NMUR1: variants seen among roughly 807,000 people sequenced by gnomAD.
NMUR1 encodes neuromedin-U receptor 1.
Under a neutral mutation model 18.8 loss-of-function variants are expected in NMUR1, and 16 were observed. That is an observed-to-expected ratio of 0.85 (90% CI 0.58 to 1.29). The LOEUF (loss-of-function observed/expected upper bound fraction) is 1.29, where lower values mean the gene tolerates loss of function less well. Among genes scored for constraint, NMUR1 ranks in the 50% most tolerant of loss-of-function variants. The pLI, the probability that NMUR1 is intolerant of heterozygous loss-of-function variation, is 0.00. For missense variants in NMUR1, 529 were observed against 580.3 expected, an observed-to-expected ratio of 0.91 and a Z score of 0.91; for synonymous variants, 258 against 258.2, an observed-to-expected ratio of 1.00 and a Z score of 0.01.
chr2:231,529,108 T>G, intron 1 of NMUR1, 91 bp from the exon 2 acceptor site: 2 of 1,216,540 alleles, frequency 1.6e-6, no homozygotes, highest in Non-Finnish European at 2.2e-6. Context: ...ACATTAGCGC[T>G]ATGATGACCA....
chr2:231,528,171 T>C lies in NMUR1; in HGVS notation c.850A>G (p.Arg284Gly). ...CGGCCCCGATCGTGCTGCTGGAGCC[T>C]GCAGGTGTATCTGGACCTGGCTGCT... ...SAAARSRYTC[R>G]LQQHDRGRRQ... The change falls in exon 2 of 3, where the codon AGG (arginine) becomes GGG (glycine). Residue 284 changes from arginine to glycine, a missense_variant. Coordinates refer to ENST00000305141, the MANE Select transcript of NMUR1 (RefSeq NM_006056.5). 1.9e-6 allele frequency: 3 copies of C among 1,587,760 alleles called. No homozygotes were observed. Among genetic ancestry groups the C allele is most frequent in the Non-Finnish European group, 2.6e-6 (3 of 1,166,090 alleles).
rs966304915 is a variant in NMUR1, at chr2:231,523,910, G to A, written c.*1133C>T. 6.6e-6 allele frequency: 1 copy of A among 152,472 alleles called. No individual in the cohort carries two copies. Among genetic ancestry groups the A allele is most frequent in the African/African-American group, 2.4e-5 (1 of 41,434 alleles). The allele number at this position is 152,472 out of a possible 1,614,324, so 9.4% of individuals were successfully genotyped here. A position where few individuals can be genotyped will look rare whatever the true frequency, so the allele number is the denominator to read the frequency against. ...TGTCTCTTGCCCTCAGAGACCCTCTGGCCAGCCAAGTCCAATGCTCTGCTC... is the reference window on the plus strand; with the variant it reads ...TGTCTCTTGCCCTCAGAGACCCTCTAGCCAGCCAAGTCCAATGCTCTGCTC... On this transcript the variant is annotated 3_prime_UTR_variant, in exon 3 of 3. Coordinates refer to ENST00000305141, the MANE Select transcript of NMUR1 (RefSeq NM_006056.5).
At chr2:231,527,117 C>A (rs141079458) in intron 2 of NMUR1, among the ~76,000 whole-genome samples, 3 of 151,940 alleles carry the variant, frequency 2.0e-5, no homozygotes, top group East Asian at 3.9e-4. Flanking sequence ...CTCTGGGGGA[C>A]TTTGCTCCCC....
rs150482580 is a variant in NMUR1 at position 231,528,246 on chromosome 2, G to T, written c.775C>A (p.Arg259=). The change falls in exon 2 of 3, where the codon CGG becomes AGG. Residue 259 remains arginine, a synonymous_variant. Transcript: ENST00000305141. ...TGCATGAGCAGCAGCCTCTCCCGCCGCAGTCGCAGCCCAATGAGCAGGTAG... is the reference window on the plus strand; with the variant it reads ...TGCATGAGCAGCAGCCTCTCCCGCCTCAGTCGCAGCCCAATGAGCAGGTAG... ...VLYLLIGLRL[R]RERLLLMQEA... is the part of the protein sequence containing the mutation. The T allele has an allele frequency of 6.2e-7, 1 of 1,613,800 alleles. No homozygotes were observed.
chr2:231,530,374 C>T lies in NMUR1; in HGVS notation c.-13G>A. The T allele has an allele frequency of 2.0e-6, 3 of 1,486,584 alleles. No homozygotes were observed. Among genetic ancestry groups the T allele is most frequent in the Non-Finnish European group, 2.7e-6 (3 of 1,125,732 alleles). The allele number at this position is 1,486,584 out of a possible 1,614,324, so 92.1% of individuals were successfully genotyped here. On this transcript the variant is annotated 5_prime_UTR_variant, in exon 1 of 3. Coordinates refer to ENST00000305141, the MANE Select transcript of NMUR1 (RefSeq NM_006056.5). ...GCGCACCTACCATGCGGCCCGCGGCCCGCGAGACCCCGGCTTCCACCCTCC... is the reference window on the plus strand; with the variant it reads ...GCGCACCTACCATGCGGCCCGCGGCTCGCGAGACCCCGGCTTCCACCCTCC...
At chr2:231,525,885 G>A (rs191880360) in intron 2 of NMUR1, among the ~76,000 whole-genome samples, 13 of 152,242 alleles carry the variant, frequency 8.5e-5, no homozygotes, top group East Asian at 3.9e-4. Context: ...GCGGCAGACC[G>A]GAGGTCATGG....
chr2:231,522,671 A>C (rs559469455), downstream of NMUR1, among the ~76,000 whole-genome samples: 2 of 132,948 alleles, frequency 1.5e-5, no homozygotes, highest in African/African-American at 2.9e-5. Context: ...TTGACTGTGC[A>C]TTCAAGTCAG....
At chr2:231,522,849 AGCCCCTGT>A (rs1180421912), downstream of NMUR1, among the ~76,000 whole-genome samples, 1 of 151,948 alleles carries the variant, frequency 6.6e-6, no homozygotes, top group Non-Finnish European at 1.5e-5. Context: ...TCTGTCCGGG[AGCCCCTGT>A]GCTTCTCCCA....
intron 1 of NMUR1, among the ~76,000 whole-genome samples, chr2:231,529,859 T>A (rs2047397725): frequency 6.6e-6 from 1 of 152,248 alleles, no homozygotes; most frequent in South Asian, 2.1e-4. Context: ...GATCACCCCC[T>A]TGCTCTGGGG....
chr2:231,529,280 T>C (rs1005045940), intron 1 of NMUR1, among the ~76,000 whole-genome samples: 1 of 152,078 alleles, frequency 6.6e-6, no homozygotes, highest in Middle Eastern at 3.2e-3. Flanking sequence ...GCCAATATGG[T>C]GAAACCCCGT....
In NMUR1 at chr2:231,525,193, G is replaced by A; in HGVS notation, c.1131C>T (p.Cys377=). The change falls in exon 3 of 3, where the codon TGC becomes TGT. Residue 377 remains cysteine, a synonymous_variant. Transcript: ENST00000305141. ...AGCTGTGGCGGGGTCTGAGGCGATG[G>A]CAGCAGGCCCCGAGGCACAGGGCCT... The part of the protein sequence containing the change: ...FQEALCLGAC[C]HRLRPRHSSH... 6.2e-7 allele frequency: 1 copy of A among 1,614,158 alleles called. No individual in the cohort carries two copies. Among genetic ancestry groups the A allele is most frequent in the Non-Finnish European group, 8.5e-7 (1 of 1,180,020 alleles).
chr2:231,525,612 C>T (rs533965827), intron 2 of NMUR1, among the ~76,000 whole-genome samples, 187 bp from the exon 3 acceptor site: 5 of 152,348 alleles, frequency 3.3e-5, no homozygotes, highest in Non-Finnish European at 7.3e-5. Context: ...AGGCTGCCCT[C>T]ACCATGGTCA....
chr2:231,518,623 G>T (rs1006550031), downstream of NMUR1, among the ~76,000 whole-genome samples: 9 of 152,002 alleles, frequency 5.9e-5, no homozygotes, highest in African/African-American at 1.7e-4. Context: ...TTTTTTGGTG[G>T]TTTTTTGTAC....
In NMUR1 at chr2:231,524,940, A is replaced by G. The variant is rs913919362; in HGVS notation, c.*103T>C. ...CTGGTCAGAATTTCTAGGCTGAACT[A>G]GGGACAGTACGTGAAGGCATCCCTG... On this transcript the variant is annotated 3_prime_UTR_variant, in exon 3 of 3. Transcript: ENST00000305141. The G allele has an allele frequency of 7.7e-6, 11 of 1,421,964 alleles. No homozygotes were observed. Among genetic ancestry groups the G allele is most frequent in the Middle Eastern group, 4.9e-4 (2 of 4,104 alleles). 88.1% of individuals were successfully genotyped at this position (1,421,964 alleles called of 1,614,324 possible).
downstream of NMUR1, among the ~76,000 whole-genome samples, chr2:231,519,911 G>C (rs1281482634): frequency 6.6e-6 from 1 of 152,172 alleles, no homozygotes; most frequent in East Asian, 1.9e-4. Context: ...GGGCAACATA[G>C]TGAGACCCTG....
In NMUR1 at chr2:231,528,303, A is replaced by G; in HGVS notation, c.718T>C (p.Phe240Leu). 6.2e-7 allele frequency: 1 copy of G among 1,613,324 alleles called. No individual in the cohort carries two copies. Among genetic ancestry groups the G allele is most frequent in the Non-Finnish European group, 8.5e-7 (1 of 1,179,420 alleles). Residue 240 changes from phenylalanine to leucine, a missense_variant, in exon 2 of 3, where the codon TTC becomes CTC. Transcript: ENST00000305141. ...MVVQTTALLF[F>L]CLPMAIMSVL... ...CTCATGATGGCCATGGGCAGGCAGAAGAAGAGCAGCGCGGTGGTCTGCACT... is the reference window on the plus strand; with the variant it reads ...CTCATGATGGCCATGGGCAGGCAGAGGAAGAGCAGCGCGGTGGTCTGCACT...
downstream of NMUR1, among the ~76,000 whole-genome samples, chr2:231,519,408 T>C (rs2047289639): frequency 6.6e-6 from 1 of 152,204 alleles, no homozygotes; most frequent in Non-Finnish European, 1.5e-5. Flanking sequence ...AATGTTAGGT[T>C]GGGGTATTGC....
downstream of NMUR1, among the ~76,000 whole-genome samples, chr2:231,522,808 C>T (rs2047318684): frequency 6.6e-6 from 1 of 152,148 alleles, no homozygotes; most frequent in African/African-American, 2.4e-5. Flanking sequence ...TCCTCAGTGT[C>T]CCCACTCCCC....
intron 2 of NMUR1, among the ~76,000 whole-genome samples, chr2:231,526,071 C>A (rs1457444314): frequency 6.6e-6 from 1 of 152,194 alleles, no homozygotes. Flanking sequence ...ACCTGCCCCC[C>A]ATCTTACTTG....
Sources: allele counts gnomAD v4.1 joint callset (sites outside exome capture counted in the v4.1 genomes callset), GRCh38; gene constraint gnomAD v4.1.1; transcripts MANE v1.5; gene names NCBI Gene and HGNC (gene_info 2026-07-23, HGNC 2026-07-21).